IGF2BP3: variants seen among roughly 807,000 people sequenced by gnomAD.
The protein encoded by IGF2BP3 is insulin like growth factor 2 mRNA binding protein 3.
In IGF2BP3, 9 loss-of-function variants were observed where a neutral mutation model predicts 73.8. The observed-to-expected ratio is 0.12, with a 90% CI of 0.07 to 0.21. IGF2BP3 has a LOEUF of 0.21. Ranked by LOEUF, IGF2BP3 falls within the 10% of genes least tolerant of loss-of-function variation. The probability of loss-of-function intolerance (pLI) is 1.00; values close to 1 mark genes in which losing one functional copy is unlikely to be tolerated. For synonymous variants in IGF2BP3, 258 were observed against 256.7 expected (o/e 1.01, Z -0.05); for missense variants, 542 against 714.0 (o/e 0.76, Z 2.75).
At chr7:23,436,830 T>C (rs1787817923) in intron 2 of IGF2BP3, among the ~76,000 whole-genome samples, 1 of 152,180 alleles carries the variant, frequency 6.6e-6, no homozygotes, top group African/African-American at 2.4e-5. Flanking sequence ...AAATATAGGA[T>C]ATTGGCTGGG....
chr7:23,336,599 C>T (rs977811831), intron 10 of IGF2BP3, among the ~76,000 whole-genome samples: 1 of 151,956 alleles, frequency 6.6e-6, no homozygotes, highest in Non-Finnish European at 1.5e-5. Context: ...TCCACCTCCT[C>T]GGCTCATCGC....
intron 3 of IGF2BP3, among the ~76,000 whole-genome samples, chr7:23,407,694 C>T (rs1165446641): frequency 6.6e-6 from 1 of 151,226 alleles, no homozygotes; most frequent in Non-Finnish European, 1.5e-5. Context: ...AGAAATAACA[C>T]CAATTCAGCA....
intron 9 of IGF2BP3, 132 bp downstream of exon 9, chr7:23,343,586 G>T: frequency 2.5e-6 from 2 of 807,922 alleles, no homozygotes; most frequent in Non-Finnish European, 4.0e-6. Context: ...CAGGGTACTT[G>T]CTGAGGTGCT....
chr7:23,466,948 C>T (rs558096722), intron 2 of IGF2BP3, among the ~76,000 whole-genome samples: 1 of 152,212 alleles, frequency 6.6e-6, no homozygotes, highest in African/African-American at 2.4e-5. Context: ...ACTGACCAAA[C>T]ATAATAACAA....
chr7:23,313,829 A>T (rs1346589390), intron 12 of IGF2BP3, among the ~76,000 whole-genome samples, 176 bp from the exon 13 acceptor site: 1 of 152,248 alleles, frequency 6.6e-6, no homozygotes, highest in Non-Finnish European at 1.5e-5. Context: ...AAAGGTTGAC[A>T]ATAACTACTG....
chr7:23,347,556 G>C, intron 7 of IGF2BP3, 44 bp downstream of exon 7: 2 of 1,590,128 alleles, frequency 1.3e-6, no homozygotes, highest in Non-Finnish European at 1.7e-6. Flanking sequence ...AAATACAAGA[G>C]CACAAATATC....
chr7:23,422,675 A>C (rs1159824166), intron 2 of IGF2BP3, among the ~76,000 whole-genome samples: 1 of 152,160 alleles, frequency 6.6e-6, no homozygotes, highest in Non-Finnish European at 1.5e-5. Flanking sequence ...ACACCCATTT[A>C]ATTATTGGAA....
chr7:23,378,679 T>C (rs1785808987), intron 3 of IGF2BP3, among the ~76,000 whole-genome samples: 1 of 145,346 alleles, frequency 6.9e-6, no homozygotes, highest in African/African-American at 2.5e-5. Flanking sequence ...GTTCAAGCCA[T>C]TCTCCTGCCT....
intron 3 of IGF2BP3, among the ~76,000 whole-genome samples, chr7:23,370,439 C>T (rs150008028): frequency 1.2e-3 from 179 of 152,188 alleles, no homozygotes; most frequent in African/African-American, 4.1e-3. Context: ...ACAACAATGT[C>T]GGGCATTATA....
intron 10 of IGF2BP3, among the ~76,000 whole-genome samples, chr7:23,338,625 A>C (rs1327472085): frequency 1.3e-5 from 2 of 152,208 alleles, no homozygotes; most frequent in African/African-American, 4.8e-5. Context: ...GTTCTTAACT[A>C]ATCAAACAGT....
At chr7:23,334,234 A>G (rs1161216469) in intron 10 of IGF2BP3, among the ~76,000 whole-genome samples, 1 of 152,186 alleles carries the variant, frequency 6.6e-6, no homozygotes, top group Non-Finnish European at 1.5e-5. Context: ...AGGCTGAGGC[A>G]GGAGAATCGC....
intron 12 of IGF2BP3, among the ~76,000 whole-genome samples, chr7:23,315,063 A>G (rs1326634918): frequency 6.6e-6 from 1 of 152,050 alleles, no homozygotes; most frequent in African/African-American, 2.4e-5. Context: ...TTGGCTTCCC[A>G]AAGTGTTGGG....
intron 3 of IGF2BP3, among the ~76,000 whole-genome samples, chr7:23,376,555 A>AAAAGAAAG (rs59218260): frequency 1.4e-4 from 19 of 140,142 alleles, no homozygotes; most frequent in East Asian, 4.0e-4. Context: ...AAAAAAAAAA[A>AAAAGAAAG]AAAGAAAGAA....
chr7:23,355,395 A>AT (rs1177455438), intron 5 of IGF2BP3, among the ~76,000 whole-genome samples: 8 of 149,878 alleles, frequency 5.3e-5, no homozygotes, highest in Admixed American at 2.7e-4. Context: ...CTAATTTTGT[A>AT]TTTTTTTTTC....
At chr7:23,386,914 A>T (rs1473432557) in intron 3 of IGF2BP3, among the ~76,000 whole-genome samples, 1 of 152,136 alleles carries the variant, frequency 6.6e-6, no homozygotes, top group Admixed American at 6.5e-5. Flanking sequence ...TAAAAATACA[A>T]AAATTAAACA....
At position 23,334,025 on chromosome 7, in the gene IGF2BP3, T is replaced by C. The variant is rs140748037; in HGVS notation, c.1203+8039A>G. Among the ~76,000 whole-genome samples the C allele has an allele frequency of 1.3e-4, 20 of 152,260 alleles. 1 individual carries two copies. The East Asian group carries it at 3.9e-3, about 29-fold the overall frequency. On this transcript the variant is annotated intron_variant, in intron 10 of 14. Transcript: ENST00000258729. ...TAAATTGGCTCTCTGGTACACTTCA[T>C]TCTTATATGGGATTCAGAATAAGCC...
chr7:23,470,322 G>A lies in IGF2BP3; in HGVS notation c.-212C>T, dbSNP rs1562770234. Reference sequence around the variant, plus strand: ...GTCTAGATGTGTTTTAAAAGAGAAAGAAAAGAAAAAGCCTAGCTACAACCC... The same window carrying A: ...GTCTAGATGTGTTTTAAAAGAGAAAAAAAAGAAAAAGCCTAGCTACAACCC... On this transcript the variant is annotated 5_prime_UTR_variant, in exon 1 of 15. Transcript: ENST00000258729. 1.6e-5 allele frequency: 6 copies of A among 386,100 alleles called. No homozygotes were observed. Among genetic ancestry groups the A allele is most frequent in the East Asian group, 8.3e-5 (2 of 23,984 alleles). The allele number at this position is 386,100 out of a possible 1,614,324, so 23.9% of individuals were successfully genotyped here.
chr7:23,343,589 G>A (rs2128501964), intron 9 of IGF2BP3, 129 bp downstream of exon 9: 1 of 836,440 alleles, frequency 1.2e-6, no homozygotes, highest in South Asian at 1.6e-5. Flanking sequence ...GGTACTTGCT[G>A]AGGTGCTAAA....
intron 2 of IGF2BP3, among the ~76,000 whole-genome samples, chr7:23,457,025 G>A (rs1402807700): frequency 6.6e-6 from 1 of 152,160 alleles, no homozygotes; most frequent in Non-Finnish European, 1.5e-5. Flanking sequence ...CTCCAGCCCA[G>A]TCGACAGAGC....
Sources: gnomAD v4.1 joint callset for allele counts (sites outside exome capture counted in the v4.1 genomes callset) on GRCh38, gnomAD v4.1.1 for gene constraint, MANE v1.5 for transcripts, NCBI Gene and HGNC (gene_info 2026-07-23, HGNC 2026-07-21) for gene names.